ATXN1: variants seen among roughly 807,000 people sequenced by gnomAD.
The protein encoded by ATXN1 is ataxin-1.
In ATXN1, 8 loss-of-function variants were observed where a neutral mutation model predicts 56.4. The observed-to-expected ratio is 0.14, with a 90% CI of 0.08 to 0.26. The LOEUF (loss-of-function observed/expected upper bound fraction) is 0.26. Ranked by LOEUF, ATXN1 falls within the 10% of genes least tolerant of loss-of-function variation. The pLI, the probability that ATXN1 is intolerant of heterozygous loss-of-function variation, is 1.00. For synonymous variants in ATXN1, 514 were observed against 494.6 expected, an observed-to-expected ratio of 1.04 and a Z score of -0.52; for missense variants, 987 against 1,106.5, an observed-to-expected ratio of 0.89 and a Z score of 1.53.
intron 2 of ATXN1, among the ~76,000 whole-genome samples, chr6:16,703,209 T>C: frequency 6.6e-6 from 1 of 152,040 alleles, no homozygotes; most frequent in East Asian, 1.9e-4. Context: ...GAAACCATCA[T>C]TCTCAGCAAA....
intron 2 of ATXN1, among the ~76,000 whole-genome samples, chr6:16,705,002 C>G (rs1263540052): frequency 6.6e-6 from 1 of 152,224 alleles, no homozygotes; most frequent in African/African-American, 2.4e-5. Context: ...GGCCTCACCT[C>G]TCTCATCTGT....
chr6:16,395,367 T>C (rs924310240), intron 6 of ATXN1, among the ~76,000 whole-genome samples: 2 of 151,972 alleles, frequency 1.3e-5, no homozygotes, highest in East Asian at 1.9e-4. Context: ...CTGAGGTTAA[T>C]TACATCTACT....
chr6:16,401,385 G>A (rs1758566542), intron 6 of ATXN1, among the ~76,000 whole-genome samples: 1 of 152,188 alleles, frequency 6.6e-6, no homozygotes, highest in South Asian at 2.1e-4. Flanking sequence ...TTGACACCAG[G>A]AGGTCAAGAT....
chr6:16,621,648 G>T (rs62389046), intron 3 of ATXN1, among the ~76,000 whole-genome samples: 4,669 of 152,306 alleles, frequency 0.031, 116 homozygotes, highest in Non-Finnish European at 0.051. Context: ...AGGCAATGGA[G>T]GTTGCAGTGA....
At chr6:16,738,895 T>C (rs1289532147) in intron 2 of ATXN1, 1 of 152,242 alleles carries the variant, frequency 6.6e-6, no homozygotes, top group Admixed American at 6.5e-5. Flanking sequence ...TGAAAGCTAT[T>C]CAACTTGAAT....
intron 5 of ATXN1, among the ~76,000 whole-genome samples, chr6:16,512,072 C>T (rs1761092932): frequency 6.6e-6 from 1 of 152,186 alleles, no homozygotes; most frequent in Non-Finnish European, 1.5e-5. Flanking sequence ...CTGAGGCAGC[C>T]AGGTGTTAGT....
At chr6:16,547,265 T>C (rs1042455781) in intron 4 of ATXN1, among the ~76,000 whole-genome samples, 3 of 152,188 alleles carry the variant, frequency 2.0e-5, no homozygotes, top group Admixed American at 2.0e-4. Context: ...TTTGGGGAGG[T>C]GATGGCAATG....
At chr6:16,579,807 T>C (rs1031982863) in intron 4 of ATXN1, among the ~76,000 whole-genome samples, 3 of 152,112 alleles carry the variant, frequency 2.0e-5, no homozygotes, top group Admixed American at 2.0e-4. Flanking sequence ...CTCAGGTTTA[T>C]ATGTATACAA....
intron 6 of ATXN1, among the ~76,000 whole-genome samples, chr6:16,474,835 TACACACACACAC>T (rs80085771): frequency 1.4e-5 from 2 of 147,020 alleles, no homozygotes; most frequent in African/African-American, 5.0e-5. Context: ...TGTGTGTGCA[TACACACACACAC>T]ACACACACAC....
At chr6:16,584,231 TATATATATATATAC>T (rs899037732) in intron 4 of ATXN1, among the ~76,000 whole-genome samples, 8 of 126,694 alleles carry the variant, frequency 6.3e-5, no homozygotes, top group Non-Finnish European at 1.3e-4. Flanking sequence ...GACATATATA[TATATATATATATAC>T]ACACACACAC....
At chr6:16,423,532 G>C (rs1295480274) in intron 6 of ATXN1, among the ~76,000 whole-genome samples, 1 of 152,154 alleles carries the variant, frequency 6.6e-6, no homozygotes, top group African/African-American at 2.4e-5. Context: ...GGTTTTAGGG[G>C]CTCTCTTCAC....
chr6:16,478,894 C>T (rs1760380257), intron 6 of ATXN1, among the ~76,000 whole-genome samples: 1 of 152,124 alleles, frequency 6.6e-6, no homozygotes, highest in African/African-American at 2.4e-5. Flanking sequence ...GATTGAAACA[C>T]GTAACCAACA....
chr6:16,634,695 G>C (rs1763562996), intron 3 of ATXN1, among the ~76,000 whole-genome samples: 1 of 152,110 alleles, frequency 6.6e-6, no homozygotes, highest in Non-Finnish European at 1.5e-5. Flanking sequence ...CAATTCACAT[G>C]ATGTTTTGAG....
At chr6:16,573,864 C>T (rs1417080459) in intron 4 of ATXN1, among the ~76,000 whole-genome samples, 1 of 152,142 alleles carries the variant, frequency 6.6e-6, no homozygotes, top group Admixed American at 6.5e-5. Flanking sequence ...TCAGGCTTTG[C>T]TTCTCATAGG....
At chr6:16,345,141 T>TA (rs1306891319) in intron 6 of ATXN1, among the ~76,000 whole-genome samples, 2 of 152,202 alleles carry the variant, frequency 1.3e-5, no homozygotes, top group East Asian at 1.9e-4. Context: ...GATGTGATGA[T>TA]AAAAAACTGA....
At chr6:16,488,556 T>C (rs951803454) in intron 5 of ATXN1, among the ~76,000 whole-genome samples, 1 of 152,196 alleles carries the variant, frequency 6.6e-6, no homozygotes, top group Non-Finnish European at 1.5e-5. Context: ...TCATCTGAAG[T>C]GTTTTCTTCT....
At chr6:16,556,229 C>A (rs1762011570) in intron 4 of ATXN1, among the ~76,000 whole-genome samples, 1 of 151,912 alleles carries the variant, frequency 6.6e-6, no homozygotes, top group Non-Finnish European at 1.5e-5. Context: ...AAAAAACTAC[C>A]CTAGTAATAT....
intron 2 of ATXN1, among the ~76,000 whole-genome samples, chr6:16,710,759 TGTATTTTTA>T (rs1183088790): frequency 2.7e-5 from 4 of 148,396 alleles, no homozygotes; most frequent in Non-Finnish European, 4.5e-5. Flanking sequence ...AGCTGATTTT[TGTATTTTTA>T]GTAGAGATGG....
Position 16,327,148 on chromosome 6 carries a change from C to T in ATXN1, c.1163G>A (p.Ser388Asn), listed in dbSNP as rs776540746. ...CTCCAGGTCAGCTGCGGGCGTGTTGCTGTTGGGCAGGACCATCACAGAGGC... is the reference window on the plus strand; with the variant it reads ...CTCCAGGTCAGCTGCGGGCGTGTTGTTGTTGGGCAGGACCATCACAGAGGC... ...VRASVMVLPN[S>N]NTPAADLEVQ... is the part of the protein sequence containing the mutation. Residue 388 changes from serine to asparagine, a missense_variant, in exon 7 of 8, where the codon AGC (serine) becomes AAC (asparagine). Physicochemically the swap from Ser to Asn is conservative, Grantham distance 46. Coordinates refer to ENST00000436367, the MANE Select transcript of ATXN1 (RefSeq NM_001128164.2). 2 of 1,613,738 alleles carry T rather than the reference C, an allele frequency of 1.2e-6. No homozygotes were observed. Among genetic ancestry groups the T allele is most frequent in the Non-Finnish European group, 8.5e-7 (1 of 1,180,036 alleles).
Sources: gnomAD v4.1 joint callset for allele counts (sites outside exome capture counted in the v4.1 genomes callset) on GRCh38, gnomAD v4.1.1 for gene constraint, MANE v1.5 for transcripts, NCBI Gene and HGNC (gene_info 2026-07-23, HGNC 2026-07-21) for gene names.